The following FAM91A1 variants were observed in gnomAD, a reference collection of about 807,000 sequenced individuals.
FAM91A1 encodes protein FAM91A1.
FAM91A1 carries 41 observed loss-of-function variants against 113.5 expected under a neutral mutation model. The observed-to-expected ratio is 0.36, with a 90% CI of 0.28 to 0.47. The LOEUF (loss-of-function observed/expected upper bound fraction) is 0.47. Among genes scored for constraint, FAM91A1 ranks in the 20% least tolerant of loss-of-function variants. FAM91A1 has a pLI of 1.00. For synonymous variants in FAM91A1, 307 were observed against 347.9 expected (o/e 0.88, Z 1.31); for missense variants, 696 against 1,001.2 (o/e 0.70, Z 4.11).
intron 22 of FAM91A1, 24 bp from the exon 23 acceptor site, chr8:123,810,258 G>A: frequency 1.9e-6 from 3 of 1,578,356 alleles, no homozygotes; most frequent in Non-Finnish European, 2.6e-6. Flanking sequence ...GTTTTAAACT[G>A]TTTCTCGCCT....
intron 8 of FAM91A1, 45 bp from the exon 9 acceptor site, chr8:123,784,425 T>C (rs1157834817): frequency 7.8e-6 from 11 of 1,409,872 alleles, no homozygotes; most frequent in Non-Finnish European, 1.1e-5. Flanking sequence ...TTTCTTGTTT[T>C]ATAAAATCTG....
At position 123,768,566 on chromosome 8, in the gene FAM91A1, T is replaced by C; in HGVS notation, c.-137T>C. ...GCTGAACTGTCGGGAGCCTAGGCCATGGGGCAGCCTGGGCCTTCTGCAGTG... is the reference window on the plus strand; with the variant it reads ...GCTGAACTGTCGGGAGCCTAGGCCACGGGGCAGCCTGGGCCTTCTGCAGTG... On this transcript the variant is annotated 5_prime_UTR_variant, in exon 1 of 24. An upstream start codon of the reference 5' UTR is lost. Transcript: ENST00000334705. 1.5e-6 allele frequency: 1 copy of C among 689,342 alleles called. No homozygotes were observed. The highest frequency in any genetic ancestry group is 2.1e-5 in the South Asian group (1 of 46,940). The allele number at this position is 689,342 out of a possible 1,614,324, so 42.7% of individuals were successfully genotyped here.
intron 1 of FAM91A1, among the ~76,000 whole-genome samples, chr8:123,769,212 G>A (rs995418654): frequency 3.9e-5 from 6 of 152,306 alleles, no homozygotes; most frequent in East Asian, 1.9e-4. Flanking sequence ...TGGGAGAGTT[G>A]GAAGGATTTT....
In FAM91A1 at chr8:123,768,759, G is replaced by A. The variant is rs755290849; in HGVS notation, c.57G>A (p.Pro19=). The A allele has an allele frequency of 4.3e-6, 7 of 1,611,776 alleles. No individual in the cohort carries two copies. The highest frequency in any genetic ancestry group is 5.1e-6 in the Non-Finnish European group (6 of 1,179,046). Residue 19 remains proline (P), a synonymous_variant, in exon 1 of 24, where the codon CCG becomes CCA. Transcript: ENST00000334705. Reference sequence around the variant, plus strand: ...ACAACTACCCCTGGAACAAGTTGCCGGCCAACGTGAGACAGGTACGGCCGG... The same window carrying A: ...ACAACTACCCCTGGAACAAGTTGCCAGCCAACGTGAGACAGGTACGGCCGG... ...IRHNYPWNKL[P]ANVRQSLGNS...
chr8:123,800,128 A>AT (rs1041980398), intron 18 of FAM91A1, among the ~76,000 whole-genome samples: 6 of 151,692 alleles, frequency 4.0e-5, no homozygotes, highest in Non-Finnish European at 7.4e-5. Context: ...CGTGACCATG[A>AT]TTTTTTTTAT....
intron 15 of FAM91A1, among the ~76,000 whole-genome samples, chr8:123,795,352 G>A (rs1355108824): frequency 1.3e-5 from 2 of 152,070 alleles, no homozygotes; most frequent in Admixed American, 6.6e-5. Flanking sequence ...GATCATGGGG[G>A]CAGTTTCTCA....
Position 123,806,167 on chromosome 8 carries a change from C to T in FAM91A1, c.1970C>T (p.Thr657Ile), listed in dbSNP as rs570996822. 3.7e-6 allele frequency: 6 copies of T among 1,613,352 alleles called. No individual in the cohort carries two copies. In the South Asian group the frequency reaches 4.4e-5, roughly 12 times the overall value. The change falls in exon 20 of 24, where the codon ACC (threonine) becomes ATC (isoleucine). Residue 657 changes from threonine (T) to isoleucine (I), a missense_variant. Coordinates refer to ENST00000334705, the MANE Select transcript of FAM91A1 (RefSeq NM_144963.4). ...TTACAGCATCTCTGTGGATATGTCA[C>T]CATGTTGAATGCTTCCAGCCAACTT... ...VDLQHLCGYV[T>I]MLNASSQLAD...
At chr8:123,774,230 C>G (rs558496413) in intron 2 of FAM91A1, 66 bp downstream of exon 2, 1 of 1,240,302 alleles carries the variant, frequency 8.1e-7, no homozygotes, top group African/African-American at 1.5e-5. Flanking sequence ...GTAAATCTTT[C>G]TTTTCAATAC....
intron 13 of FAM91A1, 46 bp downstream of exon 13, chr8:123,787,419 C>A: frequency 2.2e-6 from 3 of 1,361,054 alleles, no homozygotes; most frequent in Non-Finnish European, 3.1e-6. Context: ...AAAATAAATA[C>A]TAGATATAAA....
chr8:123,787,139 T>C (rs1815277564), intron 12 of FAM91A1, 122 bp from the exon 13 acceptor site: 1 of 707,074 alleles, frequency 1.4e-6, no homozygotes. Context: ...GCTATAATAG[T>C]GCCTTTTTAA....
chr8:123,803,334 C>T lies in FAM91A1; in HGVS notation c.1810-1933C>T, dbSNP rs572377391. 3.3e-5 allele frequency among the ~76,000 whole-genome samples: 5 copies of T among 151,718 alleles called. No individual in the cohort carries two copies. In the East Asian group the frequency reaches 7.8e-4, roughly 24 times the overall value. Reference sequence around the variant, plus strand: ...TTTATTTATTTATTGTTTTGAGACACGGTCTCACTCTGTCACCCAGGCTGA... The same window carrying T: ...TTTATTTATTTATTGTTTTGAGACATGGTCTCACTCTGTCACCCAGGCTGA... On this transcript the variant is annotated intron_variant, in intron 18 of 23. Coordinates refer to ENST00000334705, the MANE Select transcript of FAM91A1 (RefSeq NM_144963.4).
intron 3 of FAM91A1, among the ~76,000 whole-genome samples, chr8:123,776,730 G>A (rs765201948): frequency 6.6e-6 from 1 of 152,114 alleles, no homozygotes; most frequent in Non-Finnish European, 1.5e-5. Flanking sequence ...GGTAGAAAAC[G>A]GGCCTTATCC....
intron 1 of FAM91A1, among the ~76,000 whole-genome samples, chr8:123,771,775 T>C (rs147332000): frequency 2.6e-5 from 4 of 152,228 alleles, no homozygotes; most frequent in African/African-American, 9.6e-5. Flanking sequence ...TATGCTGGGA[T>C]TGGAGTCTGT....
chr8:123,791,473 A>T (rs988325169), intron 15 of FAM91A1, among the ~76,000 whole-genome samples: 1 of 152,146 alleles, frequency 6.6e-6, no homozygotes, highest in African/African-American at 2.4e-5. Flanking sequence ...TCTCTATGAA[A>T]ATAGTCCTGT....
At chr8:123,792,445 C>G (rs975783321) in intron 15 of FAM91A1, among the ~76,000 whole-genome samples, 36 of 152,126 alleles carry the variant, frequency 2.4e-4, no homozygotes, top group Non-Finnish European at 3.7e-4. Flanking sequence ...CTGTTTTTTT[C>G]TCGTTTTCTA....
At chr8:123,792,065 C>A (rs935649826) in intron 15 of FAM91A1, among the ~76,000 whole-genome samples, 1 of 152,012 alleles carries the variant, frequency 6.6e-6, no homozygotes, top group African/African-American at 2.4e-5. Context: ...ATCTTAGCTG[C>A]TCGGGAGGCT....
intron 15 of FAM91A1, among the ~76,000 whole-genome samples, chr8:123,795,952 G>A (rs1815508045): frequency 6.6e-6 from 1 of 152,138 alleles, no homozygotes; most frequent in South Asian, 2.1e-4. Context: ...GAAGGGCCTG[G>A]GCAACAAGAA....
Position 123,813,437 on chromosome 8 carries a change from A to G in FAM91A1, c.*733A>G, listed in dbSNP as rs1452903207. ...GGCTTTATATTTTCATAGAGTCTTT[A>G]TGGAAAAAATAGAATTTATTTTCCA... On this transcript the variant is annotated 3_prime_UTR_variant, in exon 24 of 24. Coordinates refer to ENST00000334705, the MANE Select transcript of FAM91A1 (RefSeq NM_144963.4). 1 of 152,590 alleles carries G rather than the reference A, an allele frequency of 6.6e-6. No individual in the cohort carries two copies. The highest frequency in any genetic ancestry group is 1.5e-5 in the Non-Finnish European group (1 of 67,996). 9.5% of individuals were successfully genotyped at this position (152,590 alleles called of 1,614,324 possible). A position where few individuals can be genotyped will look rare whatever the true frequency, so the allele number is the denominator to read the frequency against.
rs1007964853 is a variant in FAM91A1, at chr8:123,805,944, A to G, written c.1883-136A>G. The stretch of plus-strand genomic sequence containing the variant: ...TTCAGTAAGAATGACAACTTTATAT[A>G]TTTCTTTTTTGGAATCAATTATGAT... On this transcript the variant is annotated intron_variant, in intron 19 of 23. Transcript: ENST00000334705. The G allele has an allele frequency of 2.4e-5, 19 of 796,438 alleles. No individual in the cohort carries two copies. In the African/African-American group the frequency reaches 3.2e-4, roughly 13 times the overall value. The allele number at this position is 796,438 out of a possible 1,614,324, so 49.3% of individuals were successfully genotyped here.
Sources: gnomAD v4.1 joint callset for allele counts (sites outside exome capture counted in the v4.1 genomes callset) on GRCh38, gnomAD v4.1.1 for gene constraint, MANE v1.5 for transcripts, NCBI Gene and HGNC (gene_info 2026-07-23, HGNC 2026-07-21) for gene names.